The following XNDC1N variants were observed in gnomAD, a reference collection of about 807,000 sequenced individuals.
The protein encoded by XNDC1N is XRCC1 N-terminal domain containing 1, N-terminal like.
the XNDC1N span, among the ~76,000 whole-genome samples, chr11:71,880,449 T>C: frequency 7.9e-5 from 12 of 152,196 alleles, no homozygotes; most frequent in African/African-American, 2.7e-4. Flanking sequence ...AAAGTCTGTT[T>C]ATCTCTTCCA....
chr11:71,901,463 G>C, the XNDC1N span, among the ~76,000 whole-genome samples: 7 of 152,064 alleles, frequency 4.6e-5, no homozygotes, highest in Non-Finnish European at 1.0e-4. Context: ...GCCAGCCGTA[G>C]TGGCGGGCGA....
At chr11:71,895,222 T>C in the XNDC1N span, among the ~76,000 whole-genome samples, 37 of 152,298 alleles carry the variant, frequency 2.4e-4, no homozygotes, top group African/African-American at 8.9e-4. Flanking sequence ...GTATGATTTC[T>C]TCAAATATTA....
the XNDC1N span, among the ~76,000 whole-genome samples, chr11:71,882,839 T>G: frequency 6.6e-6 from 1 of 152,128 alleles, no homozygotes. Flanking sequence ...ATAATTTTTT[T>G]GTAAAAAACC....
chr11:71,866,897 T>A, the XNDC1N span, among the ~76,000 whole-genome samples: 1 of 152,164 alleles, frequency 6.6e-6, no homozygotes, highest in Admixed American at 6.5e-5. Flanking sequence ...ATCGAGACAA[T>A]AGAGTTTCCA....
At chr11:71,916,123 T>C in the XNDC1N span, 2 of 702,926 alleles carry the variant, frequency 2.8e-6, no homozygotes, top group African/African-American at 3.5e-5. Context: ...CACAGAGTCA[T>C]CTAAGGAGTC....
At chr11:71,870,513 G>A in the XNDC1N span, among the ~76,000 whole-genome samples, 4 of 152,088 alleles carry the variant, frequency 2.6e-5, no homozygotes, top group Admixed American at 2.6e-4. Flanking sequence ...CAAAAGCACA[G>A]ACAATGCAAG....
the XNDC1N span, among the ~76,000 whole-genome samples, chr11:71,904,771 G>C: frequency 6.6e-6 from 1 of 151,942 alleles, no homozygotes; most frequent in Non-Finnish European, 1.5e-5. Context: ...AGGATATTAC[G>C]AATAATATCA....
the XNDC1N span, chr11:71,919,058 C>T: frequency 2.9e-6 from 2 of 700,920 alleles, no homozygotes; most frequent in Admixed American, 4.0e-5. Flanking sequence ...AATCAGGAAT[C>T]TCACTGCGCC....
the XNDC1N span, among the ~76,000 whole-genome samples, chr11:71,920,444 A>G: frequency 6.6e-6 from 1 of 152,072 alleles, no homozygotes; most frequent in Admixed American, 6.6e-5. Context: ...AGTAGCTAGA[A>G]TTACAGGCAT....
chr11:71,898,981 AAAAG>A, the XNDC1N span, among the ~76,000 whole-genome samples: 2 of 152,228 alleles, frequency 1.3e-5, no homozygotes, highest in Non-Finnish European at 2.9e-5. Flanking sequence ...GTTTAAAAAG[AAAAG>A]AAAGAAGGGA....
chr11:71,881,840 G>C, the XNDC1N span, among the ~76,000 whole-genome samples: 3 of 151,952 alleles, frequency 2.0e-5, no homozygotes, highest in Non-Finnish European at 2.9e-5. Context: ...GAATTAAAAA[G>C]AACAGAATAT....
At chr11:71,880,611 T>C in the XNDC1N span, among the ~76,000 whole-genome samples, 1 of 152,196 alleles carries the variant, frequency 6.6e-6, no homozygotes, top group Non-Finnish European at 1.5e-5. Flanking sequence ...TAGTAGCTTG[T>C]TTATAATCTT....
the XNDC1N span, among the ~76,000 whole-genome samples, chr11:71,914,595 G>A: frequency 6.6e-6 from 1 of 151,912 alleles, no homozygotes; most frequent in Non-Finnish European, 1.5e-5. Context: ...GCTGAGGTGA[G>A]AGAATTGCTT....
chr11:71,894,018 A>G, the XNDC1N span: 7 of 788,640 alleles, frequency 8.9e-6, no homozygotes, highest in African/African-American at 1.8e-5. Context: ...ACCCCTCTCA[A>G]CTTCTCAAAC....
chr11:71,917,670 A>G, the XNDC1N span: 2 of 703,352 alleles, frequency 2.8e-6, no homozygotes, highest in Non-Finnish European at 5.2e-6. Flanking sequence ...GCTTTGAATC[A>G]GTTAGAGACA....
chr11:71,923,571 T>TC, the XNDC1N span: 3 of 563,374 alleles, frequency 5.3e-6, no homozygotes, highest in Non-Finnish European at 9.5e-6. Flanking sequence ...TTTTTTTTTT[T>TC]TTGAGACAGA....
At chr11:71,926,913 A>G in the XNDC1N span, among the ~76,000 whole-genome samples, 2 of 128,774 alleles carry the variant, frequency 1.6e-5, no homozygotes, top group Non-Finnish European at 3.5e-5. Context: ...AAAATGAAAT[A>G]AAATAAAATA....
At chr11:71,903,327 T>A in the XNDC1N span, 7 of 1,429,752 alleles carry the variant, frequency 4.9e-6, no homozygotes, top group African/African-American at 8.5e-5. Context: ...CTGCTCATCA[T>A]CCTGGCCGTC....
chr11:71,907,384 C>G, the XNDC1N span, among the ~76,000 whole-genome samples: 1 of 151,720 alleles, frequency 6.6e-6, no homozygotes, highest in East Asian at 2.0e-4. Context: ...AGAGCCAGCC[C>G]CTCTTGCCCC....
Sources: gnomAD v4.1 joint callset for allele counts (sites outside exome capture counted in the v4.1 genomes callset) on GRCh38, gnomAD v4.1.1 for gene constraint, MANE v1.5 for transcripts, NCBI Gene and HGNC (gene_info 2026-07-23, HGNC 2026-07-21) for gene names.